Variants in COL16A1 observed in about 807,000 individuals in gnomAD.
The protein encoded by COL16A1 is collagen alpha-1(XVI) chain.
Under a neutral mutation model 266.3 loss-of-function variants are expected in COL16A1, and 189 were observed. The ratio of observed to expected loss-of-function variants is 0.71; its 90% confidence interval spans 0.63 to 0.80. The LOEUF (loss-of-function observed/expected upper bound fraction) is 0.80. Ranked by LOEUF, COL16A1 falls within the 30% of genes least tolerant of loss-of-function variation. COL16A1 has a pLI of 0.00. For synonymous variants in COL16A1, 740 were observed against 782.3 expected (o/e 0.95, Z 0.90); for missense variants, 1,928 against 2,122.4 (o/e 0.91, Z 1.80).
intron 44 of COL16A1, among the ~76,000 whole-genome samples, chr1:31,674,086 C>T (rs1005586443): frequency 2.6e-5 from 4 of 152,176 alleles, no homozygotes; most frequent in African/African-American, 9.7e-5. Flanking sequence ...TTACCCCGAC[C>T]TCCTCTGGCT....
Position 31,702,194 on chromosome 1 carries a change from C to T in COL16A1, c.-1G>A. On this transcript the variant is annotated 5_prime_UTR_variant, in exon 2 of 71. Coordinates refer to ENST00000373672, the MANE Select transcript of COL16A1 (RefSeq NM_001856.4). ...GGCCAGGAGCCCAGGATACCCACAT[C>T]CCGGTCCAAAGAGGTCAGCTACAGC... 1 of 1,614,112 alleles carries T rather than the reference C, an allele frequency of 6.2e-7. No individual in the cohort carries two copies. The highest frequency in any genetic ancestry group is 8.5e-7 in the Non-Finnish European group (1 of 1,179,992).
At chr1:31,662,424 C>T (rs746146767) in intron 57 of COL16A1, 37 bp from the exon 58 acceptor site, 73 of 1,600,398 alleles carry the variant, frequency 4.6e-5, no homozygotes, top group East Asian at 6.7e-5. Flanking sequence ...CATGCTGGTG[C>T]GGGAGCCCTA....
rs761829793 is a variant in COL16A1, at chr1:31,665,579, T to G, written c.3492+4A>C. ...AGAGCTGGCTTTGTGTCTTCTTCACTCACCGGTGGGCCCGGAAAGCCTGGC... is the reference window on the plus strand; with the variant it reads ...AGAGCTGGCTTTGTGTCTTCTTCACGCACCGGTGGGCCCGGAAAGCCTGGC... On this transcript the variant is annotated splice_donor_region_variant and intron_variant, in intron 55 of 70. Transcript: ENST00000373672. 2 of 1,614,138 alleles carry G rather than the reference T, an allele frequency of 1.2e-6. No homozygotes were observed. Among genetic ancestry groups the G allele is most frequent in the South Asian group, 2.2e-5 (2 of 91,078 alleles).
At chr1:31,676,534 A>G (rs1421771796) in intron 42 of COL16A1, among the ~76,000 whole-genome samples, 1 of 152,162 alleles carries the variant, frequency 6.6e-6, no homozygotes, top group African/African-American at 2.4e-5. Context: ...TCATCTAGAT[A>G]CAAAATTCTG....
intron 37 of COL16A1, among the ~76,000 whole-genome samples, chr1:31,681,775 C>A (rs1334773481): frequency 6.6e-6 from 1 of 152,254 alleles, no homozygotes; most frequent in Non-Finnish European, 1.5e-5. Flanking sequence ...GCTCCGCCAC[C>A]TTCACACGTG....
At chr1:31,682,616 C>T (rs1643726838) in intron 37 of COL16A1, among the ~76,000 whole-genome samples, 1 of 152,220 alleles carries the variant, frequency 6.6e-6, no homozygotes, top group African/African-American at 2.4e-5. Context: ...CCTCCTCACC[C>T]TCTGGCCTTC....
intron 42 of COL16A1, 58 bp from the exon 43 acceptor site, chr1:31,675,369 C>A: frequency 6.3e-7 from 1 of 1,590,576 alleles, no homozygotes; most frequent in Admixed American, 1.8e-5. Context: ...TGCTGGTCAG[C>A]CTGTTTCCTT....
chr1:31,653,893 C>T lies in COL16A1; in HGVS notation c.4508G>A (p.Gly1503Glu). The change falls in exon 69 of 71, where the codon GGA becomes GAA. Residue 1503 changes from glycine (G) to glutamate (E), a missense_variant. Gly to Glu is a moderately conservative substitution (Grantham distance 98). Transcript: ENST00000373672. ...TCTTACTCCTGGCAAGCCCTGCCGT[C>T]CTTCTCTGCCAATCTGACCAGGGAG... ...PGLPGQIGREGRQGLPGVRGL... is the reference protein window; with the variant it reads ...PGLPGQIGREERQGLPGVRGL... The T allele has an allele frequency of 6.2e-7, 1 of 1,613,270 alleles. No homozygotes were observed. Among genetic ancestry groups the T allele is most frequent in the Non-Finnish European group, 8.5e-7 (1 of 1,179,406 alleles).
At chr1:31,695,368 G>C in intron 10 of COL16A1, 147 bp from the exon 11 acceptor site, 1 of 788,898 alleles carries the variant, frequency 1.3e-6, no homozygotes, top group South Asian at 1.7e-5. Flanking sequence ...TATAAAACAA[G>C]CCTCACCCCT....
chr1:31,691,356 G>C, intron 19 of COL16A1, 61 bp downstream of exon 19: 1 of 1,585,008 alleles, frequency 6.3e-7, no homozygotes. Flanking sequence ...TTCATTCCCT[G>C]GCCAGGGTGG....
chr1:31,654,755 G>T, intron 68 of COL16A1, 37 bp downstream of exon 68: 1 of 1,613,754 alleles, frequency 6.2e-7, no homozygotes, highest in South Asian at 1.1e-5. Context: ...AGGAAGGGCA[G>T]ACAGCACCCA....
intron 8 of COL16A1, 99 bp downstream of exon 8, chr1:31,696,864 A>G: frequency 6.3e-7 from 1 of 1,577,072 alleles, no homozygotes; most frequent in Admixed American, 1.7e-5. Flanking sequence ...CCCTGGGCCC[A>G]TGGCCAACTG....
At position 31,654,186 on chromosome 1, in the gene COL16A1, T is replaced by C; in HGVS notation, c.4358-143A>G. ...GATGTCAGGGCAAGGAGTATGGGGG[T>C]GGGTCTCGCAAGGGGGTTCCCACGT... On this transcript the variant is annotated intron_variant, in intron 68 of 70. Coordinates refer to ENST00000373672, the MANE Select transcript of COL16A1 (RefSeq NM_001856.4). 3 of 1,267,746 alleles carry C rather than the reference T, an allele frequency of 2.4e-6. 1 individual carries two copies. Among genetic ancestry groups the C allele is most frequent in the South Asian group, 3.1e-5 (2 of 64,280 alleles). 78.5% of individuals were successfully genotyped at this position (1,267,746 alleles called of 1,614,324 possible).
chr1:31,688,582 A>G lies in COL16A1; in HGVS notation c.1768-80T>C. On this transcript the variant is annotated intron_variant, in intron 25 of 70. Coordinates refer to ENST00000373672, the MANE Select transcript of COL16A1 (RefSeq NM_001856.4). The surrounding 1 kb of genome is among the most constrained non-coding windows in gnomAD (Gnocchi z 4.9). ...GCTCCCCGGGTCCCAGTGTCCAACCAGAAACAGAACGGTAAGATAGGAATT... is the reference window on the plus strand; with the variant it reads ...GCTCCCCGGGTCCCAGTGTCCAACCGGAAACAGAACGGTAAGATAGGAATT... 6.4e-7 allele frequency: 1 copy of G among 1,565,612 alleles called. No homozygotes were observed. Among genetic ancestry groups the G allele is most frequent in the Admixed American group, 1.7e-5 (1 of 59,912 alleles).
At chr1:31,695,595 A>G (rs1168538056) in intron 10 of COL16A1, among the ~76,000 whole-genome samples, 166 bp downstream of exon 10, 1 of 151,988 alleles carries the variant, frequency 6.6e-6, no homozygotes, top group African/African-American at 2.4e-5. Context: ...CTACCCCCCA[A>G]CCCAACGAGA....
Position 31,679,587 on chromosome 1 carries a change from A to G in COL16A1, c.2772+45T>C, listed in dbSNP as rs1168961968. ...CAGCCGGGAGCAGCCATCCTGACCC[A>G]TGAGCTCTGCCACCCAAGCTCCTCA... On this transcript the variant is annotated intron_variant, in intron 42 of 70. Transcript: ENST00000373672. 3 of 1,614,064 alleles carry G rather than the reference A, an allele frequency of 1.9e-6. No homozygotes were observed. In the African/African-American group the frequency reaches 4.0e-5, roughly 22 times the overall value.
chr1:31,668,773 C>T lies in COL16A1; in HGVS notation c.3249+29G>A. The T allele has an allele frequency of 1.2e-6, 2 of 1,613,662 alleles. No homozygotes were observed. The highest frequency in any genetic ancestry group is 1.7e-6 in the Non-Finnish European group (2 of 1,179,782). ...CCCAGCTCTTCCTCCCTTTCCAGCC[C>T]TTTCCAGCCCCTGCCAGCTTCTTCT... On this transcript the variant is annotated intron_variant, in intron 50 of 70. Transcript: ENST00000373672. The surrounding 1 kb of genome is among the most constrained non-coding windows in gnomAD (Gnocchi z 5.8).
intron 20 of COL16A1, 67 bp downstream of exon 20, chr1:31,691,121 G>A (rs10914467): frequency 0.46 from 727,782 of 1,570,744 alleles, 177,200 homozygotes; most frequent in Non-Finnish European, 0.51. Flanking sequence ...AAGCTGCCCC[G>A]GCCCCTTCTC....
chr1:31,695,867 A>C (rs1644475181), intron 9 of COL16A1, 80 bp from the exon 10 acceptor site: 1 of 1,345,712 alleles, frequency 7.4e-7, no homozygotes, highest in African/African-American at 1.4e-5. Context: ...CTACCCCCAA[A>C]CCAACAGGAG....
Sources: gnomAD v4.1 joint callset for allele counts (sites outside exome capture counted in the v4.1 genomes callset) on GRCh38, gnomAD v4.1.1 for gene constraint, Gnocchi (gnomAD v3.1) non-coding constraint, MANE v1.5 for transcripts, NCBI Gene and HGNC (gene_info 2026-07-23, HGNC 2026-07-21) for gene names.